The following ADCY3 variants were observed in gnomAD, a reference collection of about 807,000 sequenced individuals.
ADCY3 encodes the protein adenylate cyclase type 3.
In ADCY3, 70 loss-of-function variants were observed where a neutral mutation model predicts 119.4. The ratio of observed to expected loss-of-function variants is 0.59; its 90% confidence interval spans 0.48 to 0.72. The LOEUF (loss-of-function observed/expected upper bound fraction) is 0.72, where lower values mean the gene tolerates loss of function less well. ADCY3 is among the 30% of genes least tolerant of loss of function. ADCY3 has a pLI of 0.00. For synonymous variants in ADCY3, 672 were observed against 621.4 expected, an observed-to-expected ratio of 1.08 and a Z score of -1.21; for missense variants, 1,238 against 1,541.6, an observed-to-expected ratio of 0.80 and a Z score of 3.30.
At chr2:24,839,479 C>T (rs1010635878) in intron 7 of ADCY3, among the ~76,000 whole-genome samples, 8 of 152,216 alleles carry the variant, frequency 5.3e-5, no homozygotes, top group African/African-American at 1.2e-4. Context: ...ACCTGCAAAA[C>T]GCTGCCTGCG....
In ADCY3 at chr2:24,899,238, T is replaced by A. The variant is rs1043427710; in HGVS notation, c.675+19075A>T. ...CCAGGCATCCAACTCTGGGCCACGC[T>A]TCCCTCCTCCTGGCACACCGCCTCC... On this transcript the variant is annotated intron_variant, in intron 2 of 21. Coordinates refer to ENST00000679454, the MANE Select transcript of ADCY3 (RefSeq NM_004036.5). This position sits in a 1 kb window ranked among gnomAD's most constrained non-coding sequence, Gnocchi z 4.5. Among the ~76,000 whole-genome samples the A allele has an allele frequency of 6.6e-6, 1 of 152,182 alleles. No homozygotes were observed. The highest frequency in any genetic ancestry group is 1.5e-5 in the Non-Finnish European group (1 of 68,032).
rs1675078640 is a variant in ADCY3 at position 24,872,019 on chromosome 2, G to A, written c.825+551C>T. On this transcript the variant is annotated intron_variant, in intron 3 of 21. Coordinates refer to ENST00000679454, the MANE Select transcript of ADCY3 (RefSeq NM_004036.5). This position sits in a 1 kb window ranked among gnomAD's most constrained non-coding sequence, Gnocchi z 4.4. ...ACCTCAGATGGGAAGGTAAGGGAGG[G>A]AGGAGCTCCCCTGAGTGGGGGTGTG... 6.6e-6 allele frequency among the ~76,000 whole-genome samples: 1 copy of A among 152,204 alleles called. No homozygotes were observed. Among genetic ancestry groups the A allele is most frequent in the South Asian group, 2.1e-4 (1 of 4,828 alleles).
chr2:24,820,251 G>C (rs1002702920), intron 21 of ADCY3, 137 bp from the exon 22 acceptor site: 3 of 1,204,964 alleles, frequency 2.5e-6, no homozygotes, highest in African/African-American at 3.1e-5. Context: ...AAACCTCCCA[G>C]GGCCAAGCCC....
chr2:24,851,015 T>C (rs1399947048), intron 3 of ADCY3, among the ~76,000 whole-genome samples: 1 of 152,222 alleles, frequency 6.6e-6, no homozygotes, highest in Non-Finnish European at 1.5e-5. Flanking sequence ...TCAAAGTTGC[T>C]ATAGGGTGCT....
rs531354165 is a variant in ADCY3 at position 24,878,957 on chromosome 2, C to T, written c.676-6238G>A. Among the ~76,000 whole-genome samples, 8 of 152,300 alleles carry T rather than the reference C, an allele frequency of 5.3e-5. No individual in the cohort carries two copies. The highest frequency in any genetic ancestry group is 3.9e-4 in the East Asian group (2 of 5,176). ...GCCTGGAAAGCAAACTCCATGCAGC[C>T]GGGACACGGGTTGTTTCCCTGCTGG... On this transcript the variant is annotated intron_variant, in intron 2 of 21. Transcript: ENST00000679454. This position sits in a 1 kb window ranked among gnomAD's most constrained non-coding sequence, Gnocchi z 4.0.
At chr2:24,917,442 C>T (rs761107508) in intron 2 of ADCY3, among the ~76,000 whole-genome samples, 2 of 152,250 alleles carry the variant, frequency 1.3e-5, no homozygotes, top group Non-Finnish European at 2.9e-5. Flanking sequence ...ATCTCCGCCT[C>T]ATTCTCTGGT....
intron 2 of ADCY3, among the ~76,000 whole-genome samples, chr2:24,909,904 C>T (rs1352750613): frequency 1.3e-5 from 2 of 152,166 alleles, no homozygotes; most frequent in African/African-American, 2.4e-5. Context: ...TTCTTGTAGC[C>T]GATAGTGATG....
chr2:24,827,554 G>C lies in ADCY3; in HGVS notation c.2487C>G (p.Gly829=). The change falls in exon 15 of 22, where the codon GGC becomes GGG. Residue 829 remains glycine (G), a synonymous_variant. Transcript: ENST00000679454. The part of the protein sequence containing the change: ...QMQGFNPGLN[G]TDRLPLVPSK... ...GAAGCCGTGGCCCTTACCTGTCAGT[G>C]CCATTGAGCCCAGGGTTGAATCCTT... is the stretch of plus-strand genomic sequence containing the variant. The C allele has an allele frequency of 6.3e-7, 1 of 1,586,528 alleles. No individual in the cohort carries two copies. Among genetic ancestry groups the C allele is most frequent in the Non-Finnish European group, 8.6e-7 (1 of 1,163,382 alleles).
At chr2:24,871,536 G>A (rs947287797) in intron 3 of ADCY3, among the ~76,000 whole-genome samples, 6 of 152,250 alleles carry the variant, frequency 3.9e-5, no homozygotes, top group Non-Finnish European at 5.9e-5. Flanking sequence ...TCTAGAGAAT[G>A]TGAGTGAGGC....
intron 11 of ADCY3, among the ~76,000 whole-genome samples, chr2:24,832,859 ACT>A (rs1349818920): frequency 6.6e-6 from 1 of 151,328 alleles, no homozygotes; most frequent in Non-Finnish European, 1.5e-5. Flanking sequence ...TTGCCTCTCC[ACT>A]CTCATCTTTC....
intron 2 of ADCY3, among the ~76,000 whole-genome samples, chr2:24,888,158 C>T (rs897107419): frequency 3.3e-5 from 5 of 152,210 alleles, no homozygotes; most frequent in African/African-American, 9.7e-5. Flanking sequence ...CAAACACATT[C>T]GGAACATCAA....
intron 11 of ADCY3, among the ~76,000 whole-genome samples, chr2:24,833,905 G>T (rs781485501): frequency 3.0e-4 from 45 of 152,368 alleles, no homozygotes; most frequent in Non-Finnish European, 5.0e-4. Flanking sequence ...TCCCAGCAGG[G>T]TTCCAGACCC....
chr2:24,906,030 G>A (rs529687094), intron 2 of ADCY3, among the ~76,000 whole-genome samples: 6 of 152,284 alleles, frequency 3.9e-5, no homozygotes, highest in South Asian at 4.1e-4. Context: ...CACAATGGAA[G>A]GGATAGGAAA....
chr2:24,847,086 T>G (rs1671737826), intron 3 of ADCY3, among the ~76,000 whole-genome samples: 1 of 152,154 alleles, frequency 6.6e-6, no homozygotes, highest in Non-Finnish European at 1.5e-5. Context: ...CACCCAAATC[T>G]CAACTTGAAT....
intron 20 of ADCY3, 98 bp from the exon 21 acceptor site, chr2:24,820,946 A>C: frequency 1.3e-6 from 2 of 1,493,150 alleles, no homozygotes; most frequent in Non-Finnish European, 1.8e-6. Context: ...CAAAGCTCCT[A>C]ATGTAACACA....
intron 11 of ADCY3, among the ~76,000 whole-genome samples, chr2:24,833,985 TCAGA>T (rs1233770865): frequency 6.6e-6 from 1 of 152,190 alleles, no homozygotes; most frequent in East Asian, 1.9e-4. Flanking sequence ...GTCGTCACCC[TCAGA>T]CAGGGCTTCA....
At chr2:24,837,131 C>G in intron 8 of ADCY3, 86 bp from the exon 9 acceptor site, 8 of 1,462,358 alleles carry the variant, frequency 5.5e-6, no homozygotes, top group Non-Finnish European at 7.4e-6. Flanking sequence ...GCGTGGGAGG[C>G]GGTGGGATTA....
Position 24,918,593 on chromosome 2 carries a change from T to C in ADCY3, c.395A>G (p.Asp132Gly), listed in dbSNP as rs751404841. Residue 132 changes from aspartate to glycine, a missense_variant, in exon 2 of 22, where the codon GAC (aspartate) becomes GGC (glycine). Physicochemically the swap from Asp to Gly is moderately conservative, Grantham distance 94. Around this residue, in one of 7 missense-constraint regions of ADCY3, gnomAD observed 227 missense variants for 249.3 expected, o/e 0.91. Coordinates refer to ENST00000679454, the MANE Select transcript of ADCY3 (RefSeq NM_004036.5). This position sits in a 1 kb window ranked among gnomAD's most constrained non-coding sequence, Gnocchi z 5.4. ...GGGCAGCACTCTGCGGGTGACCCGGTCCGGGAGCAGCCCCTTTTTGCAGAG... is the reference window on the plus strand; with the variant it reads ...GGGCAGCACTCTGCGGGTGACCCGGCCCGGGAGCAGCCCCTTTTTGCAGAG... ...FVLCKKGLLP[D>G]RVTRRVLPYV... 1.7e-5 allele frequency: 27 copies of C among 1,613,962 alleles called. No homozygotes were observed. Among genetic ancestry groups the C allele is most frequent in the African/African-American group, 2.7e-5 (2 of 74,918 alleles).
In ADCY3 at chr2:24,819,777, C is replaced by A. The variant is rs1667264503; in HGVS notation, c.*155G>T. The A allele has an allele frequency of 2.5e-6, 2 of 785,100 alleles. No homozygotes were observed. Among genetic ancestry groups the A allele is most frequent in the Non-Finnish European group, 2.0e-6 (1 of 493,812 alleles). The allele number at this position is 785,100 out of a possible 1,614,324, so 48.6% of individuals were successfully genotyped here. Reference sequence around the variant, plus strand: ...CACACAGGAATAGCAGGGCCACCCTCAGAGCTCACACATCCACGAACAAAT... The same window carrying A: ...CACACAGGAATAGCAGGGCCACCCTAAGAGCTCACACATCCACGAACAAAT... On this transcript the variant is annotated 3_prime_UTR_variant, in exon 22 of 22. Transcript: ENST00000679454.
Sources: gnomAD v4.1 joint callset for allele counts (sites outside exome capture counted in the v4.1 genomes callset) on GRCh38, gnomAD v4.1.1 for gene constraint, gnomAD v4.1.1 regional missense constraint, Gnocchi (gnomAD v3.1) non-coding constraint, MANE v1.5 for transcripts, NCBI Gene and HGNC (gene_info 2026-07-23, HGNC 2026-07-21) for gene names.